CACNA1D: variants seen among roughly 807,000 people sequenced by gnomAD.
CACNA1D encodes voltage-dependent L-type calcium channel subunit alpha-1D.
Under a neutral mutation model 257.1 loss-of-function variants are expected in CACNA1D, and 55 were observed. The observed-to-expected ratio is 0.21, with a 90% CI of 0.17 to 0.27. CACNA1D has a LOEUF of 0.27. Among genes scored for constraint, CACNA1D ranks in the 10% least tolerant of loss-of-function variants. The pLI, the probability that CACNA1D is intolerant of heterozygous loss-of-function variation, is 1.00. For missense variants in CACNA1D, 1,876 were observed against 2,784.0 expected (o/e 0.67, Z 7.34); for synonymous variants, 980 against 1,014.9 (o/e 0.97, Z 0.65).
intron 2 of CACNA1D, 57 bp downstream of exon 2, chr3:53,497,518 A>G (rs2090401252): frequency 6.4e-7 from 1 of 1,565,964 alleles, no homozygotes; most frequent in South Asian, 1.1e-5. Flanking sequence ...CTGTTTTTTA[A>G]AAGGATTTGC....
At chr3:53,515,117 A>T (rs2091280096) in intron 3 of CACNA1D, among the ~76,000 whole-genome samples, 1 of 152,198 alleles carries the variant, frequency 6.6e-6, no homozygotes, top group Non-Finnish European at 1.5e-5. Context: ...CAGCTAGAAG[A>T]CTGAAGCCTG....
In CACNA1D at chr3:53,796,998, T is replaced by C. The variant is rs533387160; in HGVS notation, c.4924-3251T>C. On this transcript the variant is annotated intron_variant, in intron 40 of 47. Transcript: ENST00000350061. Reference sequence around the variant, plus strand: ...TTTTCAAATTAAAATAGTATTTTGCTGATAGAGGTAGACACAGATATGAGA... The same window carrying C: ...TTTTCAAATTAAAATAGTATTTTGCCGATAGAGGTAGACACAGATATGAGA... Among the ~76,000 whole-genome samples the C allele has an allele frequency of 4.6e-5, 7 of 152,344 alleles. No homozygotes were observed. The South Asian group carries it at 1.5e-3, about 32-fold the overall frequency.
chr3:53,691,830 A>T (rs1189280850), intron 8 of CACNA1D, among the ~76,000 whole-genome samples: 1 of 99,562 alleles, frequency 1.0e-5, no homozygotes, highest in South Asian at 2.6e-4. Context: ...TTATATCTAT[A>T]ATATATATTA....
Position 53,774,401 on chromosome 3 carries a change from A to G in CACNA1D, c.4111-186A>G, listed in dbSNP as rs535398748. 8.3e-6 allele frequency: 5 copies of G among 599,166 alleles called. No homozygotes were observed. The highest frequency in any genetic ancestry group is 7.4e-5 in the African/African-American group (4 of 54,006). 37.1% of individuals were successfully genotyped at this position (599,166 alleles called of 1,614,324 possible). A position where few individuals can be genotyped will look rare whatever the true frequency, so the allele number is the denominator to read the frequency against. ...TGCCCCTCTGGAGCACCACGTTCCC[A>G]GTGTGTAACCTGCTGCCTGGCACAT... On this transcript the variant is annotated intron_variant, in intron 33 of 47. Coordinates refer to ENST00000350061, the MANE Select transcript of CACNA1D (RefSeq NM_001128840.3). This position sits in a 1 kb window ranked among gnomAD's most constrained non-coding sequence, Gnocchi z 4.3.
intron 3 of CACNA1D, among the ~76,000 whole-genome samples, chr3:53,525,939 C>G (rs2091747273): frequency 6.6e-6 from 1 of 152,192 alleles, no homozygotes; most frequent in Admixed American, 6.5e-5. Flanking sequence ...TGGTTTCTCT[C>G]TCTCCAGCCT....
rs200571806 is a variant in CACNA1D at position 53,665,643 on chromosome 3, T to A, written c.767-17T>A. On this transcript the variant is annotated splice_polypyrimidine_tract_variant and intron_variant, in intron 5 of 47. Coordinates refer to ENST00000350061, the MANE Select transcript of CACNA1D (RefSeq NM_001128840.3). ...GCCTTCCTGGCTCACAAACTTATTTTTTTTTGTCTTTCCTAGGTTTACAAG... is the reference window on the plus strand; with the variant it reads ...GCCTTCCTGGCTCACAAACTTATTTATTTTTGTCTTTCCTAGGTTTACAAG... 36 of 1,610,556 alleles carry A rather than the reference T, an allele frequency of 2.2e-5. No individual in the cohort carries two copies. The African/African-American group carries it at 3.9e-4, about 17-fold the overall frequency.
At chr3:53,593,257 T>G (rs1379710103) in intron 3 of CACNA1D, among the ~76,000 whole-genome samples, 1 of 152,204 alleles carries the variant, frequency 6.6e-6, no homozygotes, top group Non-Finnish European at 1.5e-5. Flanking sequence ...AATCTAATTT[T>G]ATGAGACAGT....
chr3:53,630,165 G>T lies in CACNA1D; in HGVS notation c.484-20614G>T, dbSNP rs879811640. Among the ~76,000 whole-genome samples the T allele has an allele frequency of 9.9e-5, 15 of 152,282 alleles. 1 individual carries two copies. The South Asian group carries it at 3.1e-3, about 32-fold the overall frequency. On this transcript the variant is annotated intron_variant, in intron 3 of 47. Coordinates refer to ENST00000350061, the MANE Select transcript of CACNA1D (RefSeq NM_001128840.3). ...ATTATTTGCCAATCTGATGAAGTAG[G>T]GCCACAGGTTTTGTTTTCATTATTC...
At chr3:53,809,875 T>C (rs2095587049) in intron 46 of CACNA1D, 103 bp from the exon 47 acceptor site, 1 of 1,018,898 alleles carries the variant, frequency 9.8e-7, no homozygotes, top group African/African-American at 1.6e-5. Flanking sequence ...TTGCCTGGAC[T>C]GCCCCTGGCG....
At chr3:53,605,625 C>T (rs1210626246) in intron 3 of CACNA1D, among the ~76,000 whole-genome samples, 2 of 152,188 alleles carry the variant, frequency 1.3e-5, no homozygotes, top group East Asian at 1.9e-4. Flanking sequence ...AACCAGAATG[C>T]GTGTGGCCCA....
intron 3 of CACNA1D, among the ~76,000 whole-genome samples, chr3:53,510,634 C>T (rs927079586): frequency 6.6e-6 from 1 of 152,178 alleles, no homozygotes; most frequent in African/African-American, 2.4e-5. Context: ...ATGTTTATTG[C>T]CACATCATTC....
At chr3:53,764,858 A>G (rs1190582990) in intron 30 of CACNA1D, among the ~76,000 whole-genome samples, 1 of 152,178 alleles carries the variant, frequency 6.6e-6, no homozygotes, top group Non-Finnish European at 1.5e-5. Context: ...AACTTTCAAA[A>G]TCACCTAGGC....
chr3:53,718,567 A>T, intron 10 of CACNA1D, 179 bp downstream of exon 10: 1 of 768,026 alleles, frequency 1.3e-6, no homozygotes, highest in Admixed American at 2.0e-5. Context: ...CCTCCTGCAC[A>T]CCTCCCCACC....
intron 3 of CACNA1D, among the ~76,000 whole-genome samples, chr3:53,589,890 G>A (rs1395272540): frequency 1.3e-5 from 2 of 152,178 alleles, no homozygotes; most frequent in Admixed American, 1.3e-4. Context: ...TCATGGTTTG[G>A]GTGGCTGTTT....
chr3:53,731,575 G>A (rs893771643), intron 17 of CACNA1D, among the ~76,000 whole-genome samples: 5 of 152,170 alleles, frequency 3.3e-5, no homozygotes, highest in African/African-American at 1.2e-4. Flanking sequence ...TGACAGCCCT[G>A]GTTGTTTTGT....
chr3:53,635,354 GC>G (rs1365639017), intron 3 of CACNA1D, among the ~76,000 whole-genome samples: 6 of 152,138 alleles, frequency 3.9e-5, no homozygotes, highest in African/African-American at 1.4e-4. Flanking sequence ...CTGACCTGAT[GC>G]CCCAGGCTTA....
At chr3:53,778,133 T>C (rs923645411) in intron 37 of CACNA1D, among the ~76,000 whole-genome samples, 1 of 152,254 alleles carries the variant, frequency 6.6e-6, no homozygotes, top group East Asian at 1.9e-4. Context: ...GAAAGCCTTC[T>C]AGGCAAGGCC....
chr3:53,560,686 G>A (rs1247438839), intron 3 of CACNA1D, among the ~76,000 whole-genome samples: 1 of 152,170 alleles, frequency 6.6e-6, no homozygotes. Flanking sequence ...GATAGCTATG[G>A]TCCAATTAAA....
In CACNA1D at chr3:53,810,758, C is replaced by CAAAAAAAAAA. The variant is rs71074934; in HGVS notation, c.6193-336_6193-327dup. On this transcript the variant is annotated intron_variant, in intron 47 of 47. Transcript: ENST00000350061. Reference sequence around the variant, plus strand: ...GGGCCACAGAGCGAGACTCTTGTCTCAAAAAAAAAAAAAAAAAAAAAAAAA... The same window carrying CAAAAAAAAAA: ...GGGCCACAGAGCGAGACTCTTGTCTCAAAAAAAAAAAAAAAAAAAAAAAAAAAAAAAAAAA... 5.7e-4 allele frequency among the ~76,000 whole-genome samples: 39 copies of CAAAAAAAAAA among 68,278 alleles called. 2 individuals are homozygous for CAAAAAAAAAA. The highest frequency in any genetic ancestry group is 2.4e-3 in the African/African-American group (28 of 11,864). 44.8% of individuals were successfully genotyped at this position (68,278 alleles called of 152,430 possible).
Sources: gnomAD v4.1 joint callset for allele counts (sites outside exome capture counted in the v4.1 genomes callset) on GRCh38, gnomAD v4.1.1 for gene constraint, Gnocchi (gnomAD v3.1) non-coding constraint, MANE v1.5 for transcripts, NCBI Gene and HGNC (gene_info 2026-07-23, HGNC 2026-07-21) for gene names.